PAK5: variants seen among roughly 807,000 people sequenced by gnomAD.
The protein encoded by PAK5 is serine/threonine-protein kinase PAK 5.
PAK5 carries 16 observed loss-of-function variants against 65.9 expected under a neutral mutation model. The ratio of observed to expected loss-of-function variants is 0.24; its 90% CI spans 0.16 to 0.37. The LOEUF is 0.37. PAK5 is among the 10% of genes least tolerant of loss of function. PAK5 has a pLI of 1.00. For missense variants in PAK5, 785 were observed against 903.9 expected (o/e 0.87, Z 1.69); for synonymous variants, 371 against 354.9 (o/e 1.05, Z -0.51).
intron 7 of PAK5, among the ~76,000 whole-genome samples, chr20:9,547,817 C>T (rs573964191): frequency 1.3e-5 from 2 of 152,160 alleles, no homozygotes; most frequent in Non-Finnish European, 2.9e-5. Flanking sequence ...TCAAGCCCCA[C>T]CCCAGACCTA....
intron 6 of PAK5, among the ~76,000 whole-genome samples, chr20:9,562,612 A>C (rs968571449): frequency 6.6e-5 from 10 of 152,172 alleles, no homozygotes; most frequent in Admixed American, 4.6e-4. Flanking sequence ...GCGACAGGAC[A>C]TTCTATTATT....
At chr20:9,611,690 T>G (rs187877417) in intron 3 of PAK5, among the ~76,000 whole-genome samples, 1 of 152,288 alleles carries the variant, frequency 6.6e-6, no homozygotes, top group Admixed American at 6.5e-5. Context: ...CTATCTTTCA[T>G]AACTCTAATT....
At chr20:9,554,091 C>T (rs2045471127) in intron 7 of PAK5, among the ~76,000 whole-genome samples, 1 of 152,150 alleles carries the variant, frequency 6.6e-6, no homozygotes, top group Non-Finnish European at 1.5e-5. Flanking sequence ...TGAACATCTT[C>T]AAACAGGAAG....
At chr20:9,712,394 T>G (rs2123490602) in intron 1 of PAK5, among the ~76,000 whole-genome samples, 1 of 152,244 alleles carries the variant, frequency 6.6e-6, no homozygotes, top group East Asian at 1.9e-4. Flanking sequence ...ATATTCTTCA[T>G]GAAAGACCCA....
chr20:9,660,469 C>A (rs1008885091), intron 2 of PAK5, among the ~76,000 whole-genome samples: 4 of 151,692 alleles, frequency 2.6e-5, no homozygotes, highest in African/African-American at 7.2e-5. Flanking sequence ...TCCTTACCAC[C>A]CTTATGGGGC....
intron 1 of PAK5, among the ~76,000 whole-genome samples, chr20:9,738,975 T>C (rs2048421743): frequency 6.6e-6 from 1 of 152,180 alleles, no homozygotes; most frequent in Non-Finnish European, 1.5e-5. Flanking sequence ...TGTGCAGATA[T>C]AAACATTTCC....
At chr20:9,643,848 C>T (rs1425765361) in intron 3 of PAK5, among the ~76,000 whole-genome samples, 2 of 152,150 alleles carry the variant, frequency 1.3e-5, no homozygotes, top group Non-Finnish European at 2.9e-5. Flanking sequence ...CTAACAAAAA[C>T]ACCATTTAAA....
chr20:9,619,611 AG>A (rs1239762859), intron 3 of PAK5, among the ~76,000 whole-genome samples: 2 of 152,166 alleles, frequency 1.3e-5, no homozygotes, highest in Non-Finnish European at 2.9e-5. Flanking sequence ...CGCCTTTCCA[AG>A]GCAGCCCCTT....
At chr20:9,551,793 G>A (rs1229962208) in intron 7 of PAK5, among the ~76,000 whole-genome samples, 1 of 152,200 alleles carries the variant, frequency 6.6e-6, no homozygotes, top group East Asian at 1.9e-4. Flanking sequence ...CGTAGCCTGA[G>A]TGAACCAGAA....
chr20:9,661,765 CT>C, intron 2 of PAK5, among the ~76,000 whole-genome samples: 1 of 152,092 alleles, frequency 6.6e-6, no homozygotes, highest in East Asian at 1.9e-4. Flanking sequence ...TTTAATGCCC[CT>C]ACTAAAGGCA....
chr20:9,624,048 T>A lies in PAK5; in HGVS notation c.204+20077A>T, dbSNP rs188763558. Among the ~76,000 whole-genome samples, 300 of 152,334 alleles carry A rather than the reference T, an allele frequency of 2.0e-3. 1 individual carries two copies. The highest frequency in any genetic ancestry group is 6.5e-3 in the African/African-American group (271 of 41,570). On this transcript the variant is annotated intron_variant, in intron 3 of 9. Coordinates refer to ENST00000353224, the MANE Select transcript of PAK5 (RefSeq NM_177990.4). ...ATCCAACAATCCCACTTTAGGGTCA[T>A]GGTATGTCTTGTAGTCAAGACAATT...
intron 1 of PAK5, among the ~76,000 whole-genome samples, chr20:9,760,741 G>A (rs1418723656): frequency 2.2e-5 from 3 of 138,526 alleles, no homozygotes; most frequent in African/African-American, 5.5e-5. Flanking sequence ...GTACGATCTC[G>A]GCTCACTGCA....
At chr20:9,805,107 T>C (rs544332315) in intron 1 of PAK5, among the ~76,000 whole-genome samples, 7 of 151,956 alleles carry the variant, frequency 4.6e-5, no homozygotes, top group South Asian at 2.1e-4. Flanking sequence ...AAATGGCCAA[T>C]AAGCACATAA....
rs76821874 is a variant in PAK5, at chr20:9,588,022, C to A, written c.205-7092G>T. Among the ~76,000 whole-genome samples the A allele has an allele frequency of 1.7e-4, 26 of 152,226 alleles. No individual in the cohort carries two copies. The East Asian group carries it at 4.6e-3, about 27-fold the overall frequency. ...ACATTGGGAATTACATGTTCATTTT[C>A]TCATTCCCTTTGAAGATGAAACATT... On this transcript the variant is annotated intron_variant, in intron 3 of 9. Transcript: ENST00000353224.
chr20:9,612,168 G>A (rs1362301919), intron 3 of PAK5, among the ~76,000 whole-genome samples: 1 of 152,130 alleles, frequency 6.6e-6, no homozygotes, highest in East Asian at 1.9e-4. Flanking sequence ...CTCTCAATGA[G>A]GCCCGTCCTC....
intron 3 of PAK5, among the ~76,000 whole-genome samples, chr20:9,581,965 G>A (rs1006204008): frequency 3.9e-5 from 6 of 152,152 alleles, no homozygotes; most frequent in African/African-American, 1.4e-4. Flanking sequence ...AGTTGTCCTG[G>A]AGCTGATGTT....
chr20:9,638,166 A>G (rs1600178967), intron 3 of PAK5, among the ~76,000 whole-genome samples: 2 of 152,262 alleles, frequency 1.3e-5, no homozygotes, highest in African/African-American at 4.8e-5. Context: ...ATCACAAACA[A>G]ATACGACCAT....
At position 9,538,801 on chromosome 20, in the gene PAK5, C is replaced by G. The variant is rs1434375370; in HGVS notation, c.*661G>C. The G allele has an allele frequency of 1.3e-5, 3 of 233,250 alleles. No homozygotes were observed. The highest frequency in any genetic ancestry group is 6.6e-5 in the African/African-American group (3 of 45,294). 14.4% of individuals were successfully genotyped at this position (233,250 alleles called of 1,614,324 possible). On this transcript the variant is annotated 3_prime_UTR_variant, in exon 10 of 10. Coordinates refer to ENST00000353224, the MANE Select transcript of PAK5 (RefSeq NM_177990.4). The stretch of plus-strand genomic sequence containing the variant: ...AATTCTTCTTCCACCAAATAAGACA[C>G]TTGTTAGGATAAGAAAGAGATTTTA...
At chr20:9,743,542 C>T in intron 1 of PAK5, among the ~76,000 whole-genome samples, 1 of 152,036 alleles carries the variant, frequency 6.6e-6, no homozygotes, top group African/African-American at 2.4e-5. Flanking sequence ...AAAATGCATC[C>T]CAGTGCAGAA....
Sources: gnomAD v4.1 joint callset for allele counts (sites outside exome capture counted in the v4.1 genomes callset) on GRCh38, gnomAD v4.1.1 for gene constraint, MANE v1.5 for transcripts, NCBI Gene and HGNC (gene_info 2026-07-23, HGNC 2026-07-21) for gene names.